STAB2: variants seen among roughly 807,000 people sequenced by gnomAD.
STAB2 encodes the protein stabilin-2.
In STAB2, 288 loss-of-function variants were observed where a neutral mutation model predicts 338.1. That is an observed-to-expected ratio of 0.85 (90% CI 0.77 to 0.94). The LOEUF is 0.94. STAB2 is among the 40% of genes least tolerant of loss of function. The pLI is 0.00. For synonymous variants in STAB2, 1,202 were observed against 1,193.3 expected, an observed-to-expected ratio of 1.01 and a Z score of -0.15; for missense variants, 3,141 against 3,210.1, an observed-to-expected ratio of 0.98 and a Z score of 0.52.
At chr12:103,741,637 A>G (rs10745979) in intron 55 of STAB2, among the ~76,000 whole-genome samples, 61,048 of 152,006 alleles carry the variant, frequency 0.4, 12,715 homozygotes, top group Admixed American at 0.52. Flanking sequence ...TGTATTTTTC[A>G]TAGGCTGGGT....
intron 65 of STAB2, 28 bp downstream of exon 65, chr12:103,759,301 G>A (rs1307155686): frequency 8.1e-6 from 13 of 1,608,840 alleles, no homozygotes; most frequent in African/African-American, 2.7e-5. Context: ...CTTCTTGGGG[G>A]AACGGGAGAT....
chr12:103,649,412 G>C (rs965646132), intron 10 of STAB2, among the ~76,000 whole-genome samples: 1 of 152,142 alleles, frequency 6.6e-6, no homozygotes. Context: ...TGACTTCTAA[G>C]GGCCATTACT....
At chr12:103,634,268 A>C (rs1283920783) in intron 6 of STAB2, among the ~76,000 whole-genome samples, 1 of 152,244 alleles carries the variant, frequency 6.6e-6, no homozygotes, top group African/African-American at 2.4e-5. Flanking sequence ...AAACACAGAG[A>C]TACATCTGTC....
intron 12 of STAB2, among the ~76,000 whole-genome samples, 159 bp downstream of exon 12, chr12:103,652,864 A>C (rs1873850910): frequency 6.6e-6 from 1 of 152,236 alleles, no homozygotes; most frequent in Admixed American, 6.5e-5. Flanking sequence ...AGAAACAGAC[A>C]GCAACACCAG....
chr12:103,742,584 C>A (rs1284569566), intron 56 of STAB2, 30 bp downstream of exon 56: 5 of 1,613,272 alleles, frequency 3.1e-6, no homozygotes, highest in Admixed American at 1.7e-5. Flanking sequence ...CGTGCTAGAG[C>A]TTGTTTTTTG....
chr12:103,616,316 T>G (rs1377844508), intron 3 of STAB2, among the ~76,000 whole-genome samples: 2 of 152,032 alleles, frequency 1.3e-5, no homozygotes, highest in African/African-American at 2.4e-5. Context: ...ACCAAGATGA[T>G]GGAAGTCAAA....
At chr12:103,667,789 C>T (rs772271596) in intron 19 of STAB2, among the ~76,000 whole-genome samples, 5 of 152,200 alleles carry the variant, frequency 3.3e-5, no homozygotes, top group Admixed American at 6.5e-5. Flanking sequence ...ATAAGCTTGA[C>T]ATCAACAATT....
At chr12:103,615,133 G>A (rs1271039754) in intron 3 of STAB2, among the ~76,000 whole-genome samples, 1 of 152,190 alleles carries the variant, frequency 6.6e-6, no homozygotes, top group South Asian at 2.1e-4. Context: ...ATATCCACAA[G>A]AGCAGTGAGG....
chr12:103,723,741 A>G (rs1400453590), intron 44 of STAB2, among the ~76,000 whole-genome samples: 1 of 152,168 alleles, frequency 6.6e-6, no homozygotes, highest in African/African-American at 2.4e-5. Flanking sequence ...GAGAAGAGCC[A>G]GGGAGGGTCA....
intron 28 of STAB2, 60 bp downstream of exon 28, chr12:103,688,275 C>A: frequency 1.3e-6 from 2 of 1,547,152 alleles, no homozygotes; most frequent in Non-Finnish European, 1.8e-6. Context: ...ACTTGGAATG[C>A]ATACAATAGA....
At chr12:103,762,180 C>A in intron 66 of STAB2, 94 bp from the exon 67 acceptor site, 1 of 1,537,162 alleles carries the variant, frequency 6.5e-7, no homozygotes, top group South Asian at 1.2e-5. Flanking sequence ...ATTTTTATCC[C>A]CACTGGCTCC....
At chr12:103,609,610 A>C (rs980200063) in intron 3 of STAB2, among the ~76,000 whole-genome samples, 1 of 152,196 alleles carries the variant, frequency 6.6e-6, no homozygotes, top group Non-Finnish European at 1.5e-5. Flanking sequence ...GGTTTTCTAG[A>C]TATACAATCA....
chr12:103,702,526 C>G (rs1878989033), intron 34 of STAB2, among the ~76,000 whole-genome samples: 2 of 152,114 alleles, frequency 1.3e-5, no homozygotes, highest in South Asian at 4.1e-4. Context: ...GTCTCGATCT[C>G]CTGACCTCAT....
chr12:103,626,065 C>T (rs1287869654), intron 5 of STAB2, among the ~76,000 whole-genome samples: 1 of 152,130 alleles, frequency 6.6e-6, no homozygotes, highest in South Asian at 2.1e-4. Context: ...CTGGACAATA[C>T]CTAAATTTTT....
At chr12:103,623,414 T>C (rs143085167) in intron 5 of STAB2, among the ~76,000 whole-genome samples, 3 of 152,290 alleles carry the variant, frequency 2.0e-5, no homozygotes, top group East Asian at 3.9e-4. Context: ...GGATAAGAGA[T>C]TATCCTGGGT....
intron 38 of STAB2, among the ~76,000 whole-genome samples, chr12:103,707,924 C>T (rs1441345740): frequency 6.6e-6 from 1 of 152,060 alleles, no homozygotes; most frequent in East Asian, 1.9e-4. Context: ...TGTAGATGAC[C>T]CTGATGGGAT....
chr12:103,764,573 A>G (rs1439811686), intron 68 of STAB2, among the ~76,000 whole-genome samples: 1 of 152,220 alleles, frequency 6.6e-6, no homozygotes, highest in Admixed American at 6.5e-5. Flanking sequence ...ACATAGGAAT[A>G]GAACTTAATT....
intron 38 of STAB2, 91 bp downstream of exon 38, chr12:103,707,078 C>G: frequency 2.8e-6 from 4 of 1,441,314 alleles, no homozygotes; most frequent in Non-Finnish European, 3.7e-6. Context: ...TGCTCTCTAG[C>G]TGGCCTGTCG....
intron 30 of STAB2, 97 bp from the exon 31 acceptor site, chr12:103,692,715 G>C (rs1431232626): frequency 1.0e-6 from 1 of 963,358 alleles, no homozygotes; most frequent in Non-Finnish European, 1.6e-6. Flanking sequence ...AAGTATGAAG[G>C]TCACTGCTGC....
Sources: allele counts gnomAD v4.1 joint callset (sites outside exome capture counted in the v4.1 genomes callset), GRCh38; gene constraint gnomAD v4.1.1; transcripts MANE v1.5; gene names NCBI Gene and HGNC (gene_info 2026-07-23, HGNC 2026-07-21).